The following KIF13B variants were observed in gnomAD, a reference collection of about 807,000 sequenced individuals.
KIF13B encodes kinesin-like protein KIF13B.
A neutral mutation model predicts 222.0 loss-of-function variants in KIF13B; 127 were observed. The ratio of observed to expected loss-of-function variants is 0.57; its 90% CI spans 0.50 to 0.66. KIF13B has a LOEUF of 0.66. Among genes scored for constraint, KIF13B ranks in the 30% least tolerant of loss-of-function variants. The probability of loss-of-function intolerance (pLI) is 0.00; values close to 1 mark genes in which losing one functional copy is unlikely to be tolerated. For missense variants in KIF13B, 2,173 were observed against 2,379.0 expected (o/e 0.91, Z 1.80); for synonymous variants, 976 against 919.0 (o/e 1.06, Z -1.12).
chr8:29,173,992 T>A (rs903952835), intron 10 of KIF13B, among the ~76,000 whole-genome samples: 2 of 151,768 alleles, frequency 1.3e-5, no homozygotes, highest in Admixed American at 1.3e-4. Context: ...AAAAAAAAAT[T>A]TTTTAAATAC....
At chr8:29,260,158 C>T (rs1375596130) in intron 1 of KIF13B, among the ~76,000 whole-genome samples, 2 of 152,198 alleles carry the variant, frequency 1.3e-5, no homozygotes, top group African/African-American at 4.8e-5. Context: ...CCCAAACCCA[C>T]ATACAGTTTA....
At chr8:29,222,606 A>C (rs116599268) in intron 2 of KIF13B, among the ~76,000 whole-genome samples, 2,175 of 128,926 alleles carry the variant, frequency 0.017, 54 homozygotes, top group African/African-American at 0.06. Flanking sequence ...TATTATTTTT[A>C]ATCATCTTTC....
intron 2 of KIF13B, among the ~76,000 whole-genome samples, chr8:29,217,362 T>C (rs2130507008): frequency 6.6e-6 from 1 of 152,352 alleles, no homozygotes; most frequent in South Asian, 2.1e-4. Context: ...AGGAACTGAA[T>C]TGCCTGGTTG....
At chr8:29,213,706 T>C (rs1023378062) in intron 2 of KIF13B, among the ~76,000 whole-genome samples, 2 of 151,988 alleles carry the variant, frequency 1.3e-5, no homozygotes, top group Non-Finnish European at 2.9e-5. Flanking sequence ...TCTAGTACTT[T>C]GGGAGGCTGA....
chr8:29,211,292 G>C (rs1167875755), intron 2 of KIF13B, among the ~76,000 whole-genome samples: 1 of 152,184 alleles, frequency 6.6e-6, no homozygotes, highest in African/African-American at 2.4e-5. Flanking sequence ...TAGCTCTCCT[G>C]CCATAAACAG....
intron 38 of KIF13B, 138 bp downstream of exon 38, chr8:29,075,143 G>A (rs1807493474): frequency 4.3e-6 from 3 of 697,118 alleles, no homozygotes; most frequent in Admixed American, 2.2e-5. Context: ...GAGGGAGAAG[G>A]CAGTGACCTA....
chr8:29,194,459 A>G (rs7824904), intron 3 of KIF13B, among the ~76,000 whole-genome samples: 28,032 of 152,058 alleles, frequency 0.18, 2,868 homozygotes, highest in African/African-American at 0.26. Flanking sequence ...TAAGTGCCTT[A>G]CATCTAGCAG....
chr8:29,162,678 G>A (rs2130126750), intron 12 of KIF13B, among the ~76,000 whole-genome samples: 1 of 152,262 alleles, frequency 6.6e-6, no homozygotes, highest in South Asian at 2.1e-4. Flanking sequence ...AGCCGAAAGA[G>A]GCACAATGGT....
chr8:29,150,030 AATC>A lies in KIF13B; in HGVS notation c.1622+264_1622+266del, dbSNP rs1289446768. Among the ~76,000 whole-genome samples, 3 of 152,236 alleles carry A rather than the reference AATC, an allele frequency of 2.0e-5. No individual in the cohort carries two copies. In the East Asian group the frequency reaches 5.8e-4, roughly 29 times the overall value. On this transcript the variant is annotated intron_variant, in intron 15 of 39. Transcript: ENST00000524189. ...AAATTCTTACACCACACGGCAAAAG[AATC>A]ATCTTCTAGTGGGAAATAAAAGGGA...
intron 24 of KIF13B, among the ~76,000 whole-genome samples, chr8:29,128,173 T>C (rs1810200218): frequency 6.6e-6 from 1 of 150,676 alleles, no homozygotes; most frequent in Non-Finnish European, 1.5e-5. Flanking sequence ...AAATAATCAG[T>C]AAATATGATT....
chr8:29,140,725 T>TG (rs1293679929), intron 19 of KIF13B, 108 bp from the exon 20 acceptor site: 1 of 1,002,942 alleles, frequency 1.0e-6, no homozygotes, highest in Non-Finnish European at 1.4e-6. Flanking sequence ...ACTTTCATCA[T>TG]CCTAACTCTT....
intron 24 of KIF13B, among the ~76,000 whole-genome samples, chr8:29,128,620 T>C (rs530267842): frequency 6.6e-6 from 1 of 152,328 alleles, no homozygotes; most frequent in East Asian, 1.9e-4. Flanking sequence ...AAGTGATCTA[T>C]TGTGAATCTG....
At position 29,263,046 on chromosome 8, in the gene KIF13B, C is replaced by G. The variant is rs375963642; in HGVS notation, c.-12G>C. 3.2e-4 allele frequency: 502 copies of G among 1,588,346 alleles called. 2 individuals carry two copies. In the African/African-American group the frequency reaches 6.1e-3, roughly 19 times the overall value. On this transcript the variant is annotated 5_prime_UTR_variant, in exon 1 of 40. Transcript: ENST00000524189. ...TTGGAGTCCCCCATCCTGCAGCCGC[C>G]GAGGAACTCGTTCGGCTTCCGTCTG...
At chr8:29,248,828 A>G (rs1816155016) in intron 1 of KIF13B, among the ~76,000 whole-genome samples, 1 of 152,208 alleles carries the variant, frequency 6.6e-6, no homozygotes, top group Non-Finnish European at 1.5e-5. Context: ...AAATATCCAG[A>G]ATAGGGAAAT....
rs199568412 is a variant in KIF13B at position 29,140,720 on chromosome 8, C to T, written c.2335-103G>A. 4.8e-6 allele frequency: 5 copies of T among 1,051,290 alleles called. No homozygotes were observed. In the East Asian group the frequency reaches 1.2e-4, roughly 26 times the overall value. The allele number at this position is 1,051,290 out of a possible 1,614,324, so 65.1% of individuals were successfully genotyped here. ...ACTCTAGGTTATTAAACTTAACTTT[C>T]ATCATCCTAACTCTTGTATTTTTTA... On this transcript the variant is annotated intron_variant, in intron 19 of 39. Transcript: ENST00000524189.
At chr8:29,128,233 A>C (rs927095497) in intron 24 of KIF13B, among the ~76,000 whole-genome samples, 5 of 151,898 alleles carry the variant, frequency 3.3e-5, no homozygotes, top group Non-Finnish European at 5.9e-5. Flanking sequence ...CAATGAAGTA[A>C]TATTTTAAAA....
At chr8:29,186,144 G>A (rs1459289488) in intron 6 of KIF13B, 148 bp downstream of exon 6, 6 of 625,386 alleles carry the variant, frequency 9.6e-6, no homozygotes, top group African/African-American at 5.6e-5. Flanking sequence ...GGAGTTCAAG[G>A]CTGAAGTAAG....
chr8:29,083,626 G>C (rs1010155639), intron 37 of KIF13B, among the ~76,000 whole-genome samples: 1 of 152,218 alleles, frequency 6.6e-6, no homozygotes, highest in African/African-American at 2.4e-5. Context: ...GGCAAGGCTA[G>C]ACAGCAAAAT....
chr8:29,147,456 T>A lies in KIF13B; in HGVS notation c.1960A>T (p.Met654Leu). Reference protein sequence around the residue: ...LSPEKQNCRSMDRFSFHSPSA... With the variant: ...LSPEKQNCRSLDRFSFHSPSA... ...GGCGAGTGGAAAGAAAACCTGTCCA[T>A]GCTCCGGCAGTTCTGCTTCTCAGGA... The change falls in exon 17 of 40, where the codon ATG becomes TTG. Residue 654 changes from methionine to leucine, a missense_variant. By Grantham distance (15) the Met-to-Leu change is conservative. This residue lies in a region of KIF13B where 1,480 missense variants were observed against 1,722.8 expected (regional missense o/e 0.86). Transcript: ENST00000524189. 2 of 1,612,762 alleles carry A rather than the reference T, an allele frequency of 1.2e-6. No individual in the cohort carries two copies. The highest frequency in any genetic ancestry group is 1.7e-6 in the Non-Finnish European group (2 of 1,179,402).
Sources: gnomAD v4.1 joint callset for allele counts (sites outside exome capture counted in the v4.1 genomes callset) on GRCh38, gnomAD v4.1.1 for gene constraint, gnomAD v4.1.1 regional missense constraint, MANE v1.5 for transcripts, NCBI Gene and HGNC (gene_info 2026-07-23, HGNC 2026-07-21) for gene names.